SHANK2: variants seen among roughly 807,000 people sequenced by gnomAD.
SHANK2 encodes the protein SH3 and multiple ankyrin repeat domains protein 2.
SHANK2 carries 43 observed loss-of-function variants against 133.7 expected under a neutral mutation model. The observed-to-expected ratio is 0.32, with a 90% CI of 0.25 to 0.41. The LOEUF (loss-of-function observed/expected upper bound fraction) is 0.41, where lower values mean the gene tolerates loss of function less well. Ranked by LOEUF, SHANK2 falls within the 10% of genes least tolerant of loss-of-function variation. The probability of loss-of-function intolerance (pLI) is 1.00; values close to 1 mark genes in which losing one functional copy is unlikely to be tolerated. For missense variants in SHANK2, 1,994 were observed against 2,235.8 expected, an observed-to-expected ratio of 0.89 and a Z score of 2.18; for synonymous variants, 1,017 against 952.8, an observed-to-expected ratio of 1.07 and a Z score of -1.24.
At chr11:70,940,742 T>G (rs1430772291) in intron 10 of SHANK2, among the ~76,000 whole-genome samples, 1 of 152,164 alleles carries the variant, frequency 6.6e-6, no homozygotes, top group Non-Finnish European at 1.5e-5. Context: ...GGAGGGGGCT[T>G]GAAGCACAGC....
intron 17 of SHANK2, among the ~76,000 whole-genome samples, chr11:70,610,045 A>G (rs2060638498): frequency 6.6e-6 from 1 of 151,534 alleles, no homozygotes; most frequent in South Asian, 2.1e-4. Context: ...GCCAGGGACC[A>G]GGGAGGGGTG....
At chr11:71,183,193 A>C (rs1953594980) in intron 2 of SHANK2, among the ~76,000 whole-genome samples, 1 of 152,194 alleles carries the variant, frequency 6.6e-6, no homozygotes, top group Non-Finnish European at 1.5e-5. Context: ...CAAGGATATG[A>C]GAACCCTCCC....
At chr11:70,545,244 C>T (rs1268964794) in intron 17 of SHANK2, among the ~76,000 whole-genome samples, 1 of 152,256 alleles carries the variant, frequency 6.6e-6, no homozygotes, top group Non-Finnish European at 1.5e-5. Context: ...GAGGCAGCGT[C>T]GCATTGCTAA....
At chr11:71,224,583 C>T (rs1199194872) in intron 2 of SHANK2, 114 bp downstream of exon 2, 4 of 152,258 alleles carry the variant, frequency 2.6e-5, no homozygotes, top group Admixed American at 6.5e-5. Flanking sequence ...CAGGGCCTGA[C>T]AACAAGAAAC....
intron 10 of SHANK2, among the ~76,000 whole-genome samples, chr11:70,944,199 C>G (rs577682704): frequency 6.6e-6 from 1 of 152,236 alleles, no homozygotes; most frequent in Non-Finnish European, 1.5e-5. Flanking sequence ...AATTGCAGAG[C>G]GCAGGTCTAT....
At chr11:70,613,862 TC>T (rs1245332248) in intron 17 of SHANK2, among the ~76,000 whole-genome samples, 21 of 146,398 alleles carry the variant, frequency 1.4e-4, no homozygotes, top group Non-Finnish European at 1.9e-4. Context: ...CCTCCCGGGT[TC>T]AAGCAATTCT....
chr11:70,820,247 C>T (rs1948487129), intron 12 of SHANK2, 117 bp downstream of exon 12: 4 of 573,744 alleles, frequency 7.0e-6, no homozygotes, highest in African/African-American at 1.9e-5. Flanking sequence ...GTTTCCTCAA[C>T]ATCTGGGTTG....
chr11:70,751,378 T>C (rs1946746047), intron 14 of SHANK2, among the ~76,000 whole-genome samples: 1 of 152,234 alleles, frequency 6.6e-6, no homozygotes, highest in Admixed American at 6.5e-5. Flanking sequence ...TGGAACAGTA[T>C]TTTTAAAATA....
At chr11:70,820,288 G>A (rs1358759713) in intron 12 of SHANK2, 76 bp downstream of exon 12, 1 of 587,036 alleles carries the variant, frequency 1.7e-6, no homozygotes, top group Non-Finnish European at 3.1e-6. Context: ...TCAACTTCTG[G>A]GCCACCCCAA....
At chr11:70,660,754 C>G (rs975278410) in intron 16 of SHANK2, among the ~76,000 whole-genome samples, 4 of 152,224 alleles carry the variant, frequency 2.6e-5, no homozygotes, top group African/African-American at 9.6e-5. Flanking sequence ...CTCTTTCTCT[C>G]TCTGGACAGC....
Position 70,884,716 on chromosome 11 carries a change from C to A in SHANK2, c.1174+11785G>T, listed in dbSNP as rs1011253087. On this transcript the variant is annotated intron_variant, in intron 11 of 25. Coordinates refer to ENST00000601538, the MANE Select transcript of SHANK2 (RefSeq NM_012309.5). ...CTGCTTTGTAGAACACGATGGGTAT[C>A]TTTTCTTTTCTTTCTTTTTTTGAGA... Among the ~76,000 whole-genome samples the A allele has an allele frequency of 1.1e-3, 165 of 152,232 alleles. 3 individuals carry two copies. The highest frequency in any genetic ancestry group is 3.9e-3 in the African/African-American group (162 of 41,564).
chr11:71,209,660 C>T (rs142777479), intron 2 of SHANK2, among the ~76,000 whole-genome samples: 81 of 152,320 alleles, frequency 5.3e-4, no homozygotes, highest in Middle Eastern at 3.4e-3. Flanking sequence ...CAGACAGGAA[C>T]CCTGTGTTGG....
chr11:71,212,915 G>A (rs1247100292), intron 2 of SHANK2, among the ~76,000 whole-genome samples: 1 of 150,542 alleles, frequency 6.6e-6, no homozygotes, highest in Non-Finnish European at 1.5e-5. Flanking sequence ...GAGGAGCAGG[G>A]ACCCCAGGCG....
chr11:70,582,839 A>G (rs1336896045), intron 17 of SHANK2, among the ~76,000 whole-genome samples: 1 of 152,122 alleles, frequency 6.6e-6, no homozygotes, highest in Non-Finnish European at 1.5e-5. Context: ...CTCCCTGGTG[A>G]TCTGAGTCAG....
At chr11:70,744,698 T>C (rs1397696364) in intron 14 of SHANK2, among the ~76,000 whole-genome samples, 1 of 152,168 alleles carries the variant, frequency 6.6e-6, no homozygotes, top group Non-Finnish European at 1.5e-5. Context: ...CCAGCGTTTC[T>C]CCAAGCACTA....
intron 15 of SHANK2, among the ~76,000 whole-genome samples, chr11:70,670,811 T>C (rs1944785502): frequency 6.6e-6 from 1 of 152,174 alleles, no homozygotes; most frequent in Non-Finnish European, 1.5e-5. Context: ...GTGATGACTT[T>C]GGGCAATTCC....
chr11:70,700,123 C>T (rs930346382), intron 14 of SHANK2, among the ~76,000 whole-genome samples: 15 of 152,294 alleles, frequency 9.8e-5, no homozygotes, highest in Admixed American at 9.8e-4. Flanking sequence ...CTAAGTCTTT[C>T]ACATGGAAGC....
intron 2 of SHANK2, among the ~76,000 whole-genome samples, chr11:71,210,238 A>ATT (rs1954236836): frequency 1.9e-5 from 2 of 102,624 alleles, no homozygotes; most frequent in Admixed American, 1.0e-4. Context: ...ATATATATAT[A>ATT]TATATATATA....
chr11:70,712,719 G>T (rs1945817318), intron 14 of SHANK2, among the ~76,000 whole-genome samples: 1 of 152,216 alleles, frequency 6.6e-6, no homozygotes, highest in African/African-American at 2.4e-5. Context: ...CAGCACGATG[G>T]TTCCTCGCTC....
Sources: gnomAD v4.1 joint callset for allele counts (sites outside exome capture counted in the v4.1 genomes callset) on GRCh38, gnomAD v4.1.1 for gene constraint, MANE v1.5 for transcripts, NCBI Gene and HGNC (gene_info 2026-07-23, HGNC 2026-07-21) for gene names.